The following METTL25 variants were observed in gnomAD, a reference collection of about 807,000 sequenced individuals.
The protein encoded by METTL25 is probable methyltransferase-like protein 25.
Under a neutral mutation model 71.6 loss-of-function variants are expected in METTL25, and 64 were observed. That is an observed-to-expected ratio of 0.89 (90% CI 0.73 to 1.10). The LOEUF (loss-of-function observed/expected upper bound fraction) is 1.10. METTL25 is among the 50% of genes least tolerant of loss of function. METTL25 has a pLI of 0.00. For synonymous variants in METTL25, 287 were observed against 250.3 expected, an observed-to-expected ratio of 1.15 and a Z score of -1.38; for missense variants, 807 against 707.0, an observed-to-expected ratio of 1.14 and a Z score of -1.60.
chr12:82,418,233 G>C (rs1322100982), intron 5 of METTL25, among the ~76,000 whole-genome samples: 1 of 152,118 alleles, frequency 6.6e-6, no homozygotes, highest in African/African-American at 2.4e-5. Context: ...TTATTGATCT[G>C]GATATAACTG....
chr12:82,375,571 G>A (rs1883760273), intron 1 of METTL25, among the ~76,000 whole-genome samples: 1 of 152,182 alleles, frequency 6.6e-6, no homozygotes. Context: ...CCCATTCACT[G>A]CCTCCCAATC....
Position 82,386,964 on chromosome 12 carries a change from A to G in METTL25, c.421A>G (p.Ile141Val). The G allele has an allele frequency of 6.2e-7, 1 of 1,612,130 alleles. No individual in the cohort carries two copies. The highest frequency in any genetic ancestry group is 1.3e-5 in the African/African-American group (1 of 74,970). ...VALRGNQNQR[I>V]GENQKAVEFM... is the part of the protein sequence containing the mutation. ...CCTTCGAGGAAATCAAAACCAGAGAATTGGTATGTCTATTTATGTGTGTGT... is the reference window on the plus strand; with the variant it reads ...CCTTCGAGGAAATCAAAACCAGAGAGTTGGTATGTCTATTTATGTGTGTGT... The change falls in exon 2 of 12, where the codon ATT (isoleucine) becomes GTT (valine). Residue 141 changes from isoleucine (I) to valine (V), a missense_variant. Physicochemically the swap from Ile to Val is conservative, Grantham distance 29. Coordinates refer to ENST00000248306, the MANE Select transcript of METTL25 (RefSeq NM_032230.3).
At chr12:82,415,587 G>A (rs760676432) in intron 5 of METTL25, among the ~76,000 whole-genome samples, 8 of 152,068 alleles carry the variant, frequency 5.3e-5, no homozygotes, top group African/African-American at 9.7e-5. Flanking sequence ...GAGACTAAAC[G>A]CCTGAGAATC....
At chr12:82,446,815 CTA>C (rs1326886012) in intron 8 of METTL25, among the ~76,000 whole-genome samples, 4 of 151,520 alleles carry the variant, frequency 2.6e-5, no homozygotes, top group Non-Finnish European at 4.4e-5. Flanking sequence ...CGGGGTTTCA[CTA>C]TGTTGGCCAG....
At chr12:82,448,717 A>T (rs1043971793) in intron 8 of METTL25, among the ~76,000 whole-genome samples, 1 of 152,092 alleles carries the variant, frequency 6.6e-6, no homozygotes, top group Non-Finnish European at 1.5e-5. Flanking sequence ...TTAATCCATA[A>T]TGTGTGGTCA....
chr12:82,439,453 A>G (rs1890164089), intron 8 of METTL25, among the ~76,000 whole-genome samples: 2 of 151,836 alleles, frequency 1.3e-5, no homozygotes, highest in South Asian at 2.1e-4. Flanking sequence ...GTTATTTGGT[A>G]TAATAGGATT....
intron 5 of METTL25, among the ~76,000 whole-genome samples, chr12:82,425,015 G>T (rs1225753306): frequency 6.6e-6 from 1 of 152,008 alleles, no homozygotes; most frequent in Non-Finnish European, 1.5e-5. Flanking sequence ...CCAGTTTGTG[G>T]TTATTTTGTT....
intron 9 of METTL25, among the ~76,000 whole-genome samples, chr12:82,470,113 A>T (rs1018411695): frequency 7.9e-5 from 12 of 152,180 alleles, no homozygotes; most frequent in African/African-American, 2.9e-4. Flanking sequence ...TTGGCCACCA[A>T]AGCTGCTGAG....
chr12:82,443,397 A>G (rs1057198186), intron 8 of METTL25, among the ~76,000 whole-genome samples: 20 of 151,726 alleles, frequency 1.3e-4, no homozygotes, highest in Admixed American at 5.3e-4. Context: ...GATGTCTTCA[A>G]AGTGCTGAAA....
At chr12:82,477,108 A>C (rs935982562) in intron 10 of METTL25, among the ~76,000 whole-genome samples, 173 bp from the exon 11 acceptor site, 6 of 151,818 alleles carry the variant, frequency 4.0e-5, no homozygotes, top group Non-Finnish European at 8.9e-5. Context: ...CTATTATTAA[A>C]GAAAACCTTT....
chr12:82,431,140 C>T (rs1889468491), intron 6 of METTL25, among the ~76,000 whole-genome samples, 153 bp downstream of exon 6: 1 of 151,108 alleles, frequency 6.6e-6, no homozygotes, highest in Non-Finnish European at 1.5e-5. Context: ...AATGACTTGC[C>T]CTTTAAACAA....
chr12:82,415,899 A>G (rs570821100), intron 5 of METTL25, among the ~76,000 whole-genome samples: 1 of 152,270 alleles, frequency 6.6e-6, no homozygotes, highest in South Asian at 2.1e-4. Flanking sequence ...ATTAACCGTC[A>G]CACTTGGCGT....
chr12:82,408,392 G>C (rs1158728582), intron 5 of METTL25, among the ~76,000 whole-genome samples: 2 of 151,910 alleles, frequency 1.3e-5, no homozygotes, highest in Non-Finnish European at 2.9e-5. Flanking sequence ...TTGAAGTATA[G>C]AGGTCAGAGC....
At chr12:82,424,788 G>C (rs1019525846) in intron 5 of METTL25, among the ~76,000 whole-genome samples, 1 of 151,884 alleles carries the variant, frequency 6.6e-6, no homozygotes. Flanking sequence ...TGATATCCTA[G>C]GAGAGTGCAC....
chr12:82,407,851 C>T, intron 5 of METTL25: 1 of 985,330 alleles, frequency 1.0e-6, no homozygotes, highest in African/African-American at 1.7e-5. Context: ...ATTTTCTCAT[C>T]TCAAAAACCA....
chr12:82,379,224 C>G (rs1884186989), intron 1 of METTL25, among the ~76,000 whole-genome samples: 1 of 152,036 alleles, frequency 6.6e-6, no homozygotes, highest in South Asian at 2.1e-4. Flanking sequence ...CAGTGGTGTT[C>G]AGAAATGACA....
At chr12:82,464,492 T>C (rs1029288674) in intron 9 of METTL25, among the ~76,000 whole-genome samples, 6 of 151,930 alleles carry the variant, frequency 3.9e-5, no homozygotes, top group Non-Finnish European at 8.8e-5. Context: ...TATGCCAGTA[T>C]CATGTTGTTT....
intron 4 of METTL25, among the ~76,000 whole-genome samples, chr12:82,402,320 G>A (rs952715720): frequency 3.3e-5 from 5 of 151,930 alleles, no homozygotes; most frequent in Admixed American, 2.0e-4. Context: ...AGGTTTTGAT[G>A]GGCAATCTGA....
chr12:82,471,836 T>C (rs1173441244), intron 9 of METTL25, among the ~76,000 whole-genome samples: 1 of 152,210 alleles, frequency 6.6e-6, no homozygotes, highest in Non-Finnish European at 1.5e-5. Context: ...AATGGTGTTA[T>C]ATTCATAAGT....
Sources: allele counts gnomAD v4.1 joint callset (sites outside exome capture counted in the v4.1 genomes callset), GRCh38; gene constraint gnomAD v4.1.1; transcripts MANE v1.5; gene names NCBI Gene and HGNC (gene_info 2026-07-23, HGNC 2026-07-21).